Variants in ST18 observed in about 807,000 individuals in gnomAD.
ST18 encodes ST18 C2H2C-type zinc finger transcription factor.
Under a neutral mutation model 110.0 loss-of-function variants are expected in ST18, and 50 were observed. That is an observed-to-expected ratio of 0.45 (90% CI 0.36 to 0.58). The LOEUF (loss-of-function observed/expected upper bound fraction) is 0.58. Ranked by LOEUF, ST18 falls within the 20% of genes least tolerant of loss-of-function variation. The probability of loss-of-function intolerance (pLI) is 0.00; values close to 1 mark genes in which losing one functional copy is unlikely to be tolerated. For synonymous variants in ST18, 461 were observed against 452.4 expected, an observed-to-expected ratio of 1.02 and a Z score of -0.24; for missense variants, 1,306 against 1,280.1, an observed-to-expected ratio of 1.02 and a Z score of -0.31.
chr8:52,391,661 G>A (rs1022588479), intron 2 of ST18, among the ~76,000 whole-genome samples: 8 of 152,184 alleles, frequency 5.3e-5, no homozygotes, highest in Non-Finnish European at 1.2e-4. Context: ...GCAATAGACT[G>A]TCCCCTATAG....
At chr8:52,268,511 T>C (rs78437197) in intron 2 of ST18, among the ~76,000 whole-genome samples, 103 of 73,928 alleles carry the variant, frequency 1.4e-3, no homozygotes, top group East Asian at 6.6e-3. Flanking sequence ...ATCTATCTAT[T>C]TATCTATCTA....
rs767325666 is a variant in ST18 at position 52,133,015 on chromosome 8, A to T, written c.2444+42T>A. On this transcript the variant is annotated intron_variant, in intron 21 of 25. Transcript: ENST00000689386. ...AACCAAGTTCCCTCCCATTTTACCA[A>T]CAAGAGACAGCTGACCCCCATGTCT... 3 of 1,608,474 alleles carry T rather than the reference A, an allele frequency of 1.9e-6. No individual in the cohort carries two copies. The Admixed American group carries it at 5.0e-5, about 27-fold the overall frequency.
chr8:52,256,519 C>A (rs77035332), intron 2 of ST18, among the ~76,000 whole-genome samples: 1 of 152,124 alleles, frequency 6.6e-6, no homozygotes, highest in Non-Finnish European at 1.5e-5. Context: ...TGAGTCAGTG[C>A]GCTCCGTCAT....
chr8:52,195,479 T>C (rs1237209647), intron 8 of ST18, among the ~76,000 whole-genome samples: 2 of 152,102 alleles, frequency 1.3e-5, no homozygotes, highest in Non-Finnish European at 2.9e-5. Context: ...ACATAAATTA[T>C]CTTATTTTGA....
rs1215882143 is a variant in ST18, at chr8:52,266,896, C to T, written c.-464-36819G>A. Among the ~76,000 whole-genome samples, 5 of 152,204 alleles carry T rather than the reference C, an allele frequency of 3.3e-5. No individual in the cohort carries two copies. The South Asian group carries it at 1.0e-3, about 32-fold the overall frequency. On this transcript the variant is annotated intron_variant, in intron 2 of 25. Transcript: ENST00000689386. ...GATTAGAGGGGGCTATAAAGCAGTC[C>T]CCTTTCTCTGCAGCCCTGTGCCTCT...
rs2061436663 is a variant in ST18 at position 52,161,462 on chromosome 8, C to T, written c.1507G>A (p.Asp503Asn). 1.9e-6 allele frequency: 3 copies of T among 1,614,188 alleles called. No individual in the cohort carries two copies. The highest frequency in any genetic ancestry group is 2.5e-6 in the Non-Finnish European group (3 of 1,180,032). ...ACTTGGGCATCAAAACTGGCATAAT[C>T]AAATGGTACTTTTCCAAACTTCTCT... ...EQEKFGKVPF[D>N]YASFDAQVFG... is the part of the protein sequence containing the mutation. The change falls in exon 14 of 26, where the codon GAT becomes AAT. Residue 503 changes from aspartate to asparagine, a missense_variant. Physicochemically the swap from Asp to Asn is conservative, Grantham distance 23 (BLOSUM62 1). Coordinates refer to ENST00000689386, the MANE Select transcript of ST18 (RefSeq NM_001352837.2).
intron 2 of ST18, among the ~76,000 whole-genome samples, chr8:52,240,504 C>T (rs1488340517): frequency 6.6e-6 from 1 of 152,130 alleles, no homozygotes; most frequent in Non-Finnish European, 1.5e-5. Context: ...GAGATCCTCT[C>T]CTTTCTAAGG....
In ST18 at chr8:52,312,786, G is replaced by A. The variant is rs183191179; in HGVS notation, c.-464-82709C>T. 7.6e-4 allele frequency among the ~76,000 whole-genome samples: 116 copies of A among 152,302 alleles called. 1 individual carries two copies. Among genetic ancestry groups the A allele is most frequent in the African/African-American group, 2.7e-3 (114 of 41,574 alleles). On this transcript the variant is annotated intron_variant, in intron 2 of 25. Transcript: ENST00000689386. ...ACCTGGAGAAAAACACAGCTCTGCA[G>A]GGCTTTGCTGCCTTGGCCACCTGAG... is the stretch of plus-strand genomic sequence containing the variant.
chr8:52,261,250 A>G (rs1043914120), intron 2 of ST18, among the ~76,000 whole-genome samples: 3 of 152,330 alleles, frequency 2.0e-5, no homozygotes, highest in Admixed American at 2.0e-4. Flanking sequence ...ACTTTGCTGA[A>G]CAGACATCAT....
intron 8 of ST18, among the ~76,000 whole-genome samples, chr8:52,202,697 A>G (rs942337506): frequency 1.3e-5 from 2 of 152,256 alleles, no homozygotes; most frequent in African/African-American, 4.8e-5. Context: ...CAAATTCCAT[A>G]TGTCAAAAGA....
Position 52,118,950 on chromosome 8 carries a change from A to G in ST18, c.2756-509T>C, listed in dbSNP as rs560090876. On this transcript the variant is annotated intron_variant, in intron 23 of 25. Transcript: ENST00000689386. ...ATGCTGAGTAATTAAATATCTGTTT[A>G]GTTGAATTAGACCTTAGGACCCATG... Among the ~76,000 whole-genome samples, 4 of 152,300 alleles carry G rather than the reference A, an allele frequency of 2.6e-5. No individual in the cohort carries two copies. In the East Asian group the frequency reaches 7.7e-4, roughly 29 times the overall value.
At chr8:52,236,729 T>G (rs2092736217) in intron 2 of ST18, among the ~76,000 whole-genome samples, 1 of 152,148 alleles carries the variant, frequency 6.6e-6, no homozygotes, top group Non-Finnish European at 1.5e-5. Flanking sequence ...GATAGCGTGG[T>G]CTCTTAGGGA....
chr8:52,180,325 A>C lies in ST18; in HGVS notation c.87-13T>G, dbSNP rs772126254. On this transcript the variant is annotated splice_polypyrimidine_tract_variant and intron_variant, in intron 8 of 25. Transcript: ENST00000689386. The stretch of plus-strand genomic sequence containing the variant: ...ATCATAGGCAACACTGTAGTGATTG[A>C]GGAAAATTAAGAATATGGTAAATTA... 8 of 1,612,930 alleles carry C rather than the reference A, an allele frequency of 5.0e-6. No homozygotes were observed. Among genetic ancestry groups the C allele is most frequent in the African/African-American group, 1.3e-5 (1 of 74,890 alleles).
At chr8:52,311,530 T>C (rs1427863370) in intron 2 of ST18, among the ~76,000 whole-genome samples, 1 of 152,224 alleles carries the variant, frequency 6.6e-6, no homozygotes, top group Non-Finnish European at 1.5e-5. Context: ...TTCATACTGC[T>C]ATAACGATAC....
chr8:52,161,617 G>T, intron 13 of ST18, 49 bp from the exon 14 acceptor site: 1 of 1,587,922 alleles, frequency 6.3e-7, no homozygotes, highest in Non-Finnish European at 8.6e-7. Context: ...GAAACTACTG[G>T]TGAGCACATT....
At chr8:52,197,114 T>C (rs1327033975) in intron 8 of ST18, among the ~76,000 whole-genome samples, 1 of 152,246 alleles carries the variant, frequency 6.6e-6, no homozygotes, top group East Asian at 1.9e-4. Context: ...ACTTCGGCTC[T>C]CAGTGTTGAA....
At chr8:52,238,525 A>T (rs1259515951) in intron 2 of ST18, among the ~76,000 whole-genome samples, 1 of 152,178 alleles carries the variant, frequency 6.6e-6, no homozygotes, top group Admixed American at 6.5e-5. Context: ...CACCAAAAAG[A>T]TACCTGCACA....
intron 2 of ST18, among the ~76,000 whole-genome samples, chr8:52,321,225 G>T (rs1803764867): frequency 6.6e-6 from 1 of 152,166 alleles, no homozygotes; most frequent in Non-Finnish European, 1.5e-5. Flanking sequence ...AGGGGACAAG[G>T]GGGCGTGGCC....
rs1002846215 is a variant in ST18, at chr8:52,344,783, G to A, written c.-465+64545C>T. On this transcript the variant is annotated intron_variant, in intron 2 of 25. Transcript: ENST00000689386. ...CATCACCTGAGATTATTAACATTTT[G>A]TAGTTAATATACACATTTAACTATA... Among the ~76,000 whole-genome samples the A allele has an allele frequency of 9.2e-5, 14 of 152,254 alleles. No individual in the cohort carries two copies. The East Asian group carries it at 2.5e-3, about 27-fold the overall frequency.
Sources: allele counts gnomAD v4.1 joint callset (sites outside exome capture counted in the v4.1 genomes callset), GRCh38; gene constraint gnomAD v4.1.1; transcripts MANE v1.5; gene names NCBI Gene and HGNC (gene_info 2026-07-23, HGNC 2026-07-21).